Variants in APCDD1L observed in about 807,000 individuals in gnomAD.
APCDD1L encodes APC down-regulated 1 like, also known as protein APCDD1-like.
Under a neutral mutation model 24.2 loss-of-function variants are expected in APCDD1L, and 21 were observed. That is an observed-to-expected ratio of 0.87 (90% CI 0.61 to 1.25). The LOEUF is 1.25. Among genes scored for constraint, APCDD1L ranks in the 50% most tolerant of loss-of-function variants. The probability of loss-of-function intolerance (pLI) is 0.00; values close to 1 mark genes in which losing one functional copy is unlikely to be tolerated. For synonymous variants in APCDD1L, 321 were observed against 323.6 expected (o/e 0.99, Z 0.09); for missense variants, 704 against 711.7 (o/e 0.99, Z 0.12).
intron 1 of APCDD1L, among the ~76,000 whole-genome samples, chr20:58,482,907 A>G (rs1990049835): frequency 6.6e-6 from 1 of 152,124 alleles, no homozygotes; most frequent in African/African-American, 2.4e-5. Flanking sequence ...CTCGACATTT[A>G]TTGAGCACCT....
At chr20:58,504,300 T>G (rs1374521785) in intron 1 of APCDD1L, among the ~76,000 whole-genome samples, 4 of 152,156 alleles carry the variant, frequency 2.6e-5, no homozygotes, top group African/African-American at 4.8e-5. Flanking sequence ...TTCTTGCCTC[T>G]GAGACAACCA....
chr20:58,463,969 T>C (rs1336398464), intron 3 of APCDD1L, among the ~76,000 whole-genome samples: 1 of 151,758 alleles, frequency 6.6e-6, no homozygotes, highest in Non-Finnish European at 1.5e-5. Flanking sequence ...CCTTGATTTA[T>C]ATAATATCGG....
intron 1 of APCDD1L, among the ~76,000 whole-genome samples, chr20:58,505,117 C>T (rs1014537045): frequency 6.6e-6 from 1 of 152,170 alleles, no homozygotes; most frequent in Non-Finnish European, 1.5e-5. Context: ...GATAACTGCT[C>T]ATTTCATATG....
rs149273392 is a variant in APCDD1L, at chr20:58,475,694, G to A, written c.50-4947C>T. Among the ~76,000 whole-genome samples the A allele has an allele frequency of 6.3e-4, 96 of 152,140 alleles. No homozygotes were observed. In the East Asian group the frequency reaches 0.015, roughly 24 times the overall value. On this transcript the variant is annotated intron_variant, in intron 1 of 3. Transcript: ENST00000371149. ...AGGGCTGCCACGACAAAGACCACAC[G>A]CTGAGTGGCTGAAGCAACAGGAGTC...
Position 58,467,712 on chromosome 20 carries a change from C to G in APCDD1L, c.189-54G>C, listed in dbSNP as rs1321383841. The G allele has an allele frequency of 1.4e-6, 2 of 1,389,968 alleles. No homozygotes were observed. The highest frequency in any genetic ancestry group is 5.9e-5 in the East Asian group (2 of 34,118). 86.1% of individuals were successfully genotyped at this position (1,389,968 alleles called of 1,614,324 possible). A position where few individuals can be genotyped will look rare whatever the true frequency, so the allele number is the denominator to read the frequency against. On this transcript the variant is annotated intron_variant, in intron 2 of 3. Coordinates refer to ENST00000371149, the MANE Select transcript of APCDD1L (RefSeq NM_153360.3). This position sits in a 1 kb window ranked among gnomAD's most constrained non-coding sequence, Gnocchi z 5.9. ...TGCAGAGGGAACACCGCGCCGCGAG[C>G]CCCTCTCCCCTCTGGGCTGGGCTCC...
intron 1 of APCDD1L, among the ~76,000 whole-genome samples, chr20:58,477,164 T>A (rs1162358930): frequency 6.6e-6 from 1 of 152,228 alleles, no homozygotes; most frequent in Non-Finnish European, 1.5e-5. Context: ...CATTGTGCAA[T>A]GATCAGAACC....
At position 58,497,284 on chromosome 20, in the gene APCDD1L, G is replaced by A. The variant is rs2123179864; in HGVS notation, c.49+17375C>T. On this transcript the variant is annotated intron_variant, in intron 1 of 3. Coordinates refer to ENST00000371149, the MANE Select transcript of APCDD1L (RefSeq NM_153360.3). The surrounding 1 kb of genome is among the most constrained non-coding windows in gnomAD (Gnocchi z 4.3). ...AGCTGTAGCACGACTGAAGCCTTAG[G>A]CCTGGCCACAGCTGCCCTGGAAAGT... is the stretch of plus-strand genomic sequence containing the variant. 6.6e-6 allele frequency among the ~76,000 whole-genome samples: 1 copy of A among 152,230 alleles called. No homozygotes were observed. The highest frequency in any genetic ancestry group is 1.9e-4 in the East Asian group (1 of 5,164).
Position 58,467,356 on chromosome 20 carries a change from G to T in APCDD1L, c.491C>A (p.Pro164Gln). 2.0e-6 allele frequency: 3 copies of T among 1,475,086 alleles called. No homozygotes were observed. The highest frequency in any genetic ancestry group is 2.7e-6 in the Non-Finnish European group (3 of 1,122,120). 91.4% of individuals were successfully genotyped at this position (1,475,086 alleles called of 1,614,324 possible). Residue 164 changes from proline (P) to glutamine (Q), a missense_variant, in exon 3 of 4, where the codon CCG (proline) becomes CAG (glutamine). Coordinates refer to ENST00000371149, the MANE Select transcript of APCDD1L (RefSeq NM_153360.3). The surrounding 1 kb of genome is among the most constrained non-coding windows in gnomAD (Gnocchi z 5.9). ...AGRDCARRLP[P>Q]ARAWLPGALY... ...CGCCCCAGGCAGCCAGGCCCGGGCCGGAGGCAGCCGCCGCGCGCAGTCCCG... is the reference window on the plus strand; with the variant it reads ...CGCCCCAGGCAGCCAGGCCCGGGCCTGAGGCAGCCGCCGCGCGCAGTCCCG...
At chr20:58,481,122 C>G (rs563769153) in intron 1 of APCDD1L, among the ~76,000 whole-genome samples, 1 of 152,300 alleles carries the variant, frequency 6.6e-6, no homozygotes, top group East Asian at 1.9e-4. Context: ...AGCATCACTG[C>G]GTAGAAGGGG....
At chr20:58,478,730 C>T (rs539115702) in intron 1 of APCDD1L, among the ~76,000 whole-genome samples, 1 of 152,152 alleles carries the variant, frequency 6.6e-6, no homozygotes, top group East Asian at 1.9e-4. Flanking sequence ...TCCCACCCCT[C>T]AGGATGTGGC....
chr20:58,471,782 C>T (rs996877460), intron 1 of APCDD1L, among the ~76,000 whole-genome samples: 5 of 152,214 alleles, frequency 3.3e-5, no homozygotes, highest in African/African-American at 4.8e-5. Context: ...ACTCCAGCCA[C>T]GGGCTGTGCT....
chr20:58,461,489 C>T lies in APCDD1L; in HGVS notation c.807G>A (p.Val269=). 1 of 1,466,870 alleles carries T rather than the reference C, an allele frequency of 6.8e-7. No individual in the cohort carries two copies. Among genetic ancestry groups the T allele is most frequent in the Non-Finnish European group, 9.0e-7 (1 of 1,106,276 alleles). The allele number at this position is 1,466,870 out of a possible 1,614,324, so 90.9% of individuals were successfully genotyped here. A position where few individuals can be genotyped will look rare whatever the true frequency, so the allele number is the denominator to read the frequency against. ...GGGGCAGGGCCAGAGGGGGCGGCAG[C>T]ACGGGCGGGTGGTGCACATCGGAGC... The part of the protein sequence containing the change: ...IARSDVHHPP[V]LPPPLALPLH... The change falls in exon 4 of 4, where the codon GTG becomes GTA. Residue 269 remains valine, a synonymous_variant. Coordinates refer to ENST00000371149, the MANE Select transcript of APCDD1L (RefSeq NM_153360.3). This position sits in a 1 kb window ranked among gnomAD's most constrained non-coding sequence, Gnocchi z 6.0.
rs190216598 is a variant in APCDD1L at position 58,481,518 on chromosome 20, T to G, written c.50-10771A>C. Among the ~76,000 whole-genome samples the G allele has an allele frequency of 1.7e-3, 257 of 152,154 alleles. 1 individual carries two copies. Among genetic ancestry groups the G allele is most frequent in the African/African-American group, 4.6e-3 (191 of 41,502 alleles). ...GAATCTTGTCGGGCCGCAGAAATATTTAGGTTTTGAGGAGAGAGGGATGGA... is the reference window on the plus strand; with the variant it reads ...GAATCTTGTCGGGCCGCAGAAATATGTAGGTTTTGAGGAGAGAGGGATGGA... On this transcript the variant is annotated intron_variant, in intron 1 of 3. Coordinates refer to ENST00000371149, the MANE Select transcript of APCDD1L (RefSeq NM_153360.3).
intron 1 of APCDD1L, among the ~76,000 whole-genome samples, chr20:58,496,904 G>T (rs1990333845): frequency 6.6e-6 from 1 of 152,238 alleles, no homozygotes; most frequent in South Asian, 2.1e-4. Context: ...CCTACGAGCG[G>T]CACTGAGGAA....
chr20:58,510,132 A>G (rs112050102), intron 1 of APCDD1L, among the ~76,000 whole-genome samples: 1 of 152,102 alleles, frequency 6.6e-6, no homozygotes, highest in Non-Finnish European at 1.5e-5. Flanking sequence ...TGGGCTAGAT[A>G]CCCCTAAAAC....
intron 2 of APCDD1L, among the ~76,000 whole-genome samples, chr20:58,469,857 A>G (rs1600847518): frequency 1.3e-5 from 2 of 152,088 alleles, no homozygotes; most frequent in South Asian, 4.2e-4. Flanking sequence ...ATGTCGGGGG[A>G]AGGAGGAATA....
intron 1 of APCDD1L, among the ~76,000 whole-genome samples, chr20:58,471,810 C>T (rs1989816504): frequency 6.6e-6 from 1 of 152,208 alleles, no homozygotes; most frequent in South Asian, 2.1e-4. Context: ...GCTGGCCTGG[C>T]CCTGGAGGCC....
intron 1 of APCDD1L, among the ~76,000 whole-genome samples, chr20:58,480,230 C>T (rs1309807954): frequency 6.6e-6 from 1 of 152,188 alleles, no homozygotes; most frequent in Non-Finnish European, 1.5e-5. Flanking sequence ...ACCCTCCACC[C>T]GCCGCAGCCT....
At chr20:58,477,419 C>T (rs1207187822) in intron 1 of APCDD1L, among the ~76,000 whole-genome samples, 1 of 152,132 alleles carries the variant, frequency 6.6e-6, no homozygotes, top group Non-Finnish European at 1.5e-5. Context: ...TCTGATGTTT[C>T]CTCGTGAGTA....
Sources: gnomAD v4.1 joint callset for allele counts (sites outside exome capture counted in the v4.1 genomes callset) on GRCh38, gnomAD v4.1.1 for gene constraint, Gnocchi (gnomAD v3.1) non-coding constraint, MANE v1.5 for transcripts, NCBI Gene and HGNC (gene_info 2026-07-23, HGNC 2026-07-21) for gene names.